The following GRIN2B variants were observed in gnomAD, a reference collection of about 807,000 sequenced individuals.
The protein encoded by GRIN2B is glutamate ionotropic receptor NMDA type subunit 2B.
Under a neutral mutation model 114.5 loss-of-function variants are expected in GRIN2B, and 5 were observed. That is an observed-to-expected ratio of 0.04 (90% CI 0.02 to 0.09). The LOEUF (loss-of-function observed/expected upper bound fraction) is 0.09. Among genes scored for constraint, GRIN2B ranks in the 10% least tolerant of loss-of-function variants. GRIN2B has a pLI of 1.00. For synonymous variants in GRIN2B, 787 were observed against 745.1 expected, an observed-to-expected ratio of 1.06 and a Z score of -0.92; for missense variants, 1,108 against 1,943.5, an observed-to-expected ratio of 0.57 and a Z score of 8.08.
intron 2 of GRIN2B, among the ~76,000 whole-genome samples, chr12:13,970,888 A>G (rs1862899880): frequency 6.6e-6 from 1 of 152,214 alleles, no homozygotes; most frequent in South Asian, 2.1e-4. Context: ...AAACAAAATC[A>G]AATAAAAACT....
intron 3 of GRIN2B, among the ~76,000 whole-genome samples, chr12:13,770,969 C>T (rs1422612685): frequency 3.3e-5 from 5 of 152,152 alleles, no homozygotes; most frequent in Non-Finnish European, 7.3e-5. Context: ...TTTCTGTAGC[C>T]ACCACTTCAC....
chr12:13,621,270 C>T (rs376751882), intron 5 of GRIN2B, among the ~76,000 whole-genome samples: 183 of 152,116 alleles, frequency 1.2e-3, no homozygotes, highest in African/African-American at 4.1e-3. Flanking sequence ...CCAGGATGTC[C>T]GAAGTGGTGT....
intron 10 of GRIN2B, among the ~76,000 whole-genome samples, chr12:13,607,383 T>TATATAATATATATTATATATTATATATAA (rs1565473796): frequency 3.7e-5 from 2 of 54,680 alleles, no homozygotes; most frequent in African/African-American, 1.9e-4. Context: ...ATTATATATA[T>TATATAATATATATTATATATTATATATAA]AATATATATT....
At chr12:13,789,661 C>T (rs1489620927) in intron 3 of GRIN2B, among the ~76,000 whole-genome samples, 6 of 152,054 alleles carry the variant, frequency 3.9e-5, no homozygotes, top group Admixed American at 2.6e-4. Flanking sequence ...AAGGATTAAG[C>T]GATTCAGGGC....
intron 2 of GRIN2B, among the ~76,000 whole-genome samples, chr12:13,955,378 A>G (rs746072344): frequency 1.3e-5 from 2 of 152,202 alleles, no homozygotes; most frequent in Admixed American, 1.3e-4. Flanking sequence ...TCTGAAAGTA[A>G]TATCAAAGAT....
intron 5 of GRIN2B, among the ~76,000 whole-genome samples, chr12:13,620,750 C>G (rs1368653239): frequency 1.3e-5 from 2 of 152,092 alleles, no homozygotes; most frequent in African/African-American, 4.8e-5. Flanking sequence ...AGGACAGGGG[C>G]TTTCTACATC....
intron 2 of GRIN2B, among the ~76,000 whole-genome samples, chr12:13,900,017 T>C (rs1014810633): frequency 6.6e-6 from 1 of 152,240 alleles, no homozygotes; most frequent in Non-Finnish European, 1.5e-5. Flanking sequence ...TTTCATGATG[T>C]TCCCATCTTA....
chr12:13,718,425 A>C (rs1033909048), intron 4 of GRIN2B, among the ~76,000 whole-genome samples: 8 of 151,986 alleles, frequency 5.3e-5, no homozygotes, highest in Non-Finnish European at 5.9e-5. Flanking sequence ...GGAAGTACCA[A>C]GGAAAAAAAG....
At chr12:13,910,861 T>C (rs1396818690) in intron 2 of GRIN2B, among the ~76,000 whole-genome samples, 1 of 152,162 alleles carries the variant, frequency 6.6e-6, no homozygotes, top group Non-Finnish European at 1.5e-5. Flanking sequence ...CCAAACCAAT[T>C]GCCCTTTACT....
chr12:13,883,941 C>T (rs1325185581), intron 2 of GRIN2B, among the ~76,000 whole-genome samples: 2 of 152,012 alleles, frequency 1.3e-5, no homozygotes, highest in Admixed American at 1.3e-4. Flanking sequence ...TTCTATGATA[C>T]ATTTTCAGTT....
intron 2 of GRIN2B, among the ~76,000 whole-genome samples, chr12:13,952,164 A>G (rs1456703969): frequency 1.3e-5 from 2 of 152,118 alleles, no homozygotes; most frequent in Non-Finnish European, 2.9e-5. Flanking sequence ...CTATATGTGC[A>G]TGTCAGGTGC....
intron 10 of GRIN2B, among the ~76,000 whole-genome samples, chr12:13,585,027 A>G (rs748526868): frequency 1.3e-5 from 2 of 152,212 alleles, no homozygotes; most frequent in Non-Finnish European, 2.9e-5. Context: ...AGAAGCTTTC[A>G]AGTAAAGAAG....
At position 13,554,969 on chromosome 12, in the gene GRIN2B, A is replaced by T. The variant is rs906915484; in HGVS notation, c.*7814T>A. On this transcript the variant is annotated 3_prime_UTR_variant, in exon 14 of 14. Transcript: ENST00000609686. ...GATGAAGTTGAGTGTTCAGAAGGTG[A>T]CTGGAAGTATGTGTATGAAGGAAAA... is the stretch of plus-strand genomic sequence containing the variant. 5.3e-5 allele frequency: 8 copies of T among 152,186 alleles called. No homozygotes were observed. The highest frequency in any genetic ancestry group is 1.2e-4 in the African/African-American group (5 of 41,436). The allele number at this position is 152,186 out of a possible 1,614,324, so 9.4% of individuals were successfully genotyped here.
chr12:13,586,225 G>C (rs1017262302), intron 10 of GRIN2B, among the ~76,000 whole-genome samples: 12 of 152,140 alleles, frequency 7.9e-5, no homozygotes, highest in Non-Finnish European at 1.6e-4. Flanking sequence ...CAGAAATTAA[G>C]ACACAAAAGA....
At chr12:13,856,973 T>C (rs1865672411) in intron 3 of GRIN2B, among the ~76,000 whole-genome samples, 1 of 152,244 alleles carries the variant, frequency 6.6e-6, no homozygotes, top group Non-Finnish European at 1.5e-5. Context: ...TCACCAAATC[T>C]GTGACAAATC....
chr12:13,830,313 CA>C (rs1189240891), intron 3 of GRIN2B, among the ~76,000 whole-genome samples: 1 of 152,144 alleles, frequency 6.6e-6, no homozygotes, highest in Non-Finnish European at 1.5e-5. Context: ...ATCAGTACTG[CA>C]AAAACTGAAA....
chr12:13,785,965 G>C (rs1378180929), intron 3 of GRIN2B, among the ~76,000 whole-genome samples: 9 of 152,052 alleles, frequency 5.9e-5, no homozygotes, highest in African/African-American at 2.2e-4. Context: ...ACTAAACTAG[G>C]CCACAAAGTA....
At chr12:13,589,578 C>T (rs879176686) in intron 10 of GRIN2B, among the ~76,000 whole-genome samples, 2 of 152,118 alleles carry the variant, frequency 1.3e-5, no homozygotes, top group Admixed American at 6.6e-5. Flanking sequence ...CCAGTAAGTG[C>T]TATGTAGTAT....
At chr12:13,932,850 C>A (rs1445905765) in intron 2 of GRIN2B, among the ~76,000 whole-genome samples, 2 of 152,158 alleles carry the variant, frequency 1.3e-5, no homozygotes, top group Non-Finnish European at 2.9e-5. Context: ...GTTCTCTTCC[C>A]AGATAAGGTA....
Sources: gnomAD v4.1 joint callset for allele counts (sites outside exome capture counted in the v4.1 genomes callset) on GRCh38, gnomAD v4.1.1 for gene constraint, MANE v1.5 for transcripts, NCBI Gene and HGNC (gene_info 2026-07-23, HGNC 2026-07-21) for gene names.